PPFIA2: variants seen among roughly 807,000 people sequenced by gnomAD.
PPFIA2 encodes the protein PPFI scaffold protein A2.
PPFIA2 carries 46 observed loss-of-function variants against 175.5 expected under a neutral mutation model. The ratio of observed to expected loss-of-function variants is 0.26; its 90% CI spans 0.21 to 0.34. PPFIA2 has a LOEUF of 0.34. Among genes scored for constraint, PPFIA2 ranks in the 10% least tolerant of loss-of-function variants. PPFIA2 has a pLI of 1.00. For missense variants in PPFIA2, 1,179 were observed against 1,506.1 expected (o/e 0.78, Z 3.60); for synonymous variants, 568 against 511.4 (o/e 1.11, Z -1.49).
chr12:81,289,977 A>ATATGATT (rs1307014704), intron 24 of PPFIA2, among the ~76,000 whole-genome samples: 3 of 151,782 alleles, frequency 2.0e-5, no homozygotes, highest in Non-Finnish European at 4.4e-5. Flanking sequence ...AGGTAATCAT[A>ATATGATT]TATGTGACAT....
chr12:81,752,971 C>G (rs2084057354), intron 3 of PPFIA2, among the ~76,000 whole-genome samples: 1 of 147,460 alleles, frequency 6.8e-6, no homozygotes, highest in Non-Finnish European at 1.5e-5. Context: ...GAGTCTCTTT[C>G]TGTCCCAGGC....
intron 4 of PPFIA2, among the ~76,000 whole-genome samples, chr12:81,489,112 T>C (rs1387275753): frequency 6.6e-6 from 1 of 151,792 alleles, no homozygotes; most frequent in Non-Finnish European, 1.5e-5. Context: ...ACAAAAATAA[T>C]AAACTACAGT....
chr12:81,703,904 C>T (rs957542618), intron 3 of PPFIA2, among the ~76,000 whole-genome samples: 1 of 152,188 alleles, frequency 6.6e-6, no homozygotes, highest in African/African-American at 2.4e-5. Context: ...ATGTTGCCTA[C>T]TCACAGAGTC....
Position 81,361,974 on chromosome 12 carries a change from GATCT to G in PPFIA2, c.1637+715_1637+718del, listed in dbSNP as rs149986893. Among the ~76,000 whole-genome samples, 248 of 149,576 alleles carry G rather than the reference GATCT, an allele frequency of 1.7e-3. 1 individual carries two copies. Among genetic ancestry groups the G allele is most frequent in the Middle Eastern group, 6.8e-3 (2 of 292 alleles). On this transcript the variant is annotated intron_variant, in intron 15 of 32. Coordinates refer to ENST00000549396, the MANE Select transcript of PPFIA2 (RefSeq NM_003625.5). Reference sequence around the variant, plus strand: ...ATTATGTGTGAATTATTAACATATAGATCTATCTATGTATCTATCTATGTATCTA... The same window carrying G: ...ATTATGTGTGAATTATTAACATATAGATCTATGTATCTATCTATGTATCTA...
chr12:81,339,288 C>T lies in PPFIA2; in HGVS notation c.2440G>A (p.Ala814Thr). The T allele has an allele frequency of 1.2e-6, 2 of 1,609,978 alleles. No individual in the cohort carries two copies. The highest frequency in any genetic ancestry group is 1.7e-6 in the Non-Finnish European group (2 of 1,177,854). The change falls in exon 21 of 33, where the codon GCC (alanine) becomes ACC (threonine). Residue 814 changes from alanine to threonine, a missense_variant. Physicochemically the swap from Ala to Thr is moderately conservative, Grantham distance 58. Transcript: ENST00000549396. Reference protein sequence around the residue: ...LEPESLGLGSANSSQDSLHKA... With the variant: ...LEPESLGLGSTNSSQDSLHKA... Reference sequence around the variant, plus strand: ...TGAAGAGAGTCTTGGCTGCTGTTGGCACTACCAAGCCCGAGGCTTTCTGGC... The same window carrying T: ...TGAAGAGAGTCTTGGCTGCTGTTGGTACTACCAAGCCCGAGGCTTTCTGGC...
At chr12:81,341,363 C>T (rs2058039252) in intron 19 of PPFIA2, among the ~76,000 whole-genome samples, 155 bp from the exon 20 acceptor site, 1 of 151,500 alleles carries the variant, frequency 6.6e-6, no homozygotes, top group Non-Finnish European at 1.5e-5. Flanking sequence ...ACATAAATTC[C>T]CATTAAAGAG....
intron 21 of PPFIA2, among the ~76,000 whole-genome samples, chr12:81,338,327 A>AC (rs1280903724): frequency 2.0e-5 from 3 of 152,098 alleles, no homozygotes; most frequent in Admixed American, 1.3e-4. Context: ...TAGAAAGACA[A>AC]CCCCCCATAA....
At chr12:81,368,998 C>G (rs2034350869) in intron 12 of PPFIA2, 113 bp downstream of exon 12, 8 of 1,270,416 alleles carry the variant, frequency 6.3e-6, no homozygotes, top group Admixed American at 2.6e-5. Context: ...GTCAACAGGT[C>G]ATATTTGTAA....
Position 81,435,234 on chromosome 12 carries a change from T to G in PPFIA2, c.645+4738A>C, listed in dbSNP as rs948285946. On this transcript the variant is annotated intron_variant, in intron 7 of 32. Transcript: ENST00000549396. ...ACTCCTTGTAGGTGGCTATGTCCTC[T>G]GGTGCATGTCTGGATTAGCAAACCC... Among the ~76,000 whole-genome samples the G allele has an allele frequency of 7.2e-5, 11 of 152,320 alleles. No homozygotes were observed. The East Asian group carries it at 1.9e-3, about 27-fold the overall frequency.
At chr12:81,295,544 C>T (rs1254517909) in intron 23 of PPFIA2, among the ~76,000 whole-genome samples, 1 of 152,190 alleles carries the variant, frequency 6.6e-6, no homozygotes, top group South Asian at 2.1e-4. Flanking sequence ...TTTCCACCTA[C>T]CTTCCTACAC....
intron 4 of PPFIA2, among the ~76,000 whole-genome samples, chr12:81,613,838 C>T (rs1331612188): frequency 6.6e-6 from 1 of 151,984 alleles, no homozygotes; most frequent in Non-Finnish European, 1.5e-5. Context: ...GTGTGAGTTG[C>T]ATTTTAATAT....
chr12:81,627,545 G>A (rs1595764134), intron 4 of PPFIA2, among the ~76,000 whole-genome samples: 3 of 151,998 alleles, frequency 2.0e-5, no homozygotes, highest in African/African-American at 4.8e-5. Context: ...TCTGATTCCC[G>A]TGTCACACAT....
At chr12:81,735,205 G>C (rs1326681382) in intron 3 of PPFIA2, among the ~76,000 whole-genome samples, 1 of 151,696 alleles carries the variant, frequency 6.6e-6, no homozygotes, top group African/African-American at 2.4e-5. Context: ...TTTTATGGTA[G>C]TTGTACCATA....
At chr12:81,635,503 C>T (rs534833892) in intron 4 of PPFIA2, among the ~76,000 whole-genome samples, 1 of 152,264 alleles carries the variant, frequency 6.6e-6, no homozygotes, top group South Asian at 2.1e-4. Flanking sequence ...TAGCCTCAAC[C>T]AGGAAATCAT....
chr12:81,662,722 A>G (rs2069175974), intron 4 of PPFIA2, among the ~76,000 whole-genome samples: 2 of 152,206 alleles, frequency 1.3e-5, no homozygotes, highest in Non-Finnish European at 2.9e-5. Context: ...TCATCCTGAT[A>G]CCAAAGCCTG....
chr12:81,466,749 C>G (rs2055708067), intron 4 of PPFIA2, among the ~76,000 whole-genome samples: 1 of 151,782 alleles, frequency 6.6e-6, no homozygotes, highest in Admixed American at 6.6e-5. Flanking sequence ...TATTTGGAGG[C>G]AAGGTAGGGT....
intron 28 of PPFIA2, among the ~76,000 whole-genome samples, chr12:81,273,116 T>A (rs1357083339): frequency 1.3e-5 from 2 of 152,200 alleles, no homozygotes; most frequent in Non-Finnish European, 2.9e-5. Flanking sequence ...TTACAACAGT[T>A]CTCTTTCTAG....
intron 3 of PPFIA2, among the ~76,000 whole-genome samples, chr12:81,707,555 C>T (rs1006596171): frequency 2.7e-5 from 4 of 149,680 alleles, no homozygotes; most frequent in African/African-American, 9.7e-5. Flanking sequence ...GAAATAGGAA[C>T]ACTTTTACAC....
intron 21 of PPFIA2, among the ~76,000 whole-genome samples, chr12:81,336,921 C>T (rs1331965581): frequency 6.6e-6 from 1 of 152,114 alleles, no homozygotes; most frequent in Non-Finnish European, 1.5e-5. Flanking sequence ...CTAGGTTCCT[C>T]AGATGCATGA....
Sources: gnomAD v4.1 joint callset for allele counts (sites outside exome capture counted in the v4.1 genomes callset) on GRCh38, gnomAD v4.1.1 for gene constraint, MANE v1.5 for transcripts, NCBI Gene and HGNC (gene_info 2026-07-23, HGNC 2026-07-21) for gene names.